SH2D7: variants seen among roughly 807,000 people sequenced by gnomAD.
SH2D7 encodes the protein SH2 domain containing 7.
Under a neutral mutation model 40.8 loss-of-function variants are expected in SH2D7, and 32 were observed. The observed-to-expected ratio is 0.78, with a 90% CI of 0.59 to 1.05. The LOEUF (loss-of-function observed/expected upper bound fraction) is 1.05, where lower values mean the gene tolerates loss of function less well. SH2D7 is among the 50% of genes least tolerant of loss of function. The pLI is 0.00. For synonymous variants in SH2D7, 195 were observed against 221.5 expected, an observed-to-expected ratio of 0.88 and a Z score of 1.06; for missense variants, 559 against 566.6, an observed-to-expected ratio of 0.99 and a Z score of 0.14.
At position 78,103,800 on chromosome 15, in the gene SH2D7, C is replaced by A. The variant is rs1433112488; in HGVS notation, c.*285C>A. ...TGAGATTGGCCAAAGGCAGGGGTCA[C>A]CACCCCCATTTCCCAGATAAGCATG... On this transcript the variant is annotated 3_prime_UTR_variant, in exon 6 of 6. Coordinates refer to ENST00000328828, the MANE Select transcript of SH2D7 (RefSeq NM_001101404.2). 9.3e-6 allele frequency: 4 copies of A among 431,816 alleles called. No homozygotes were observed. Among genetic ancestry groups the A allele is most frequent in the African/African-American group, 2.0e-5 (1 of 49,874 alleles). The allele number at this position is 431,816 out of a possible 1,614,324, so 26.7% of individuals were successfully genotyped here.
intron 2 of SH2D7, among the ~76,000 whole-genome samples, chr15:78,095,078 C>T (rs1264215129): frequency 1.3e-5 from 2 of 152,178 alleles, no homozygotes; most frequent in Non-Finnish European, 2.9e-5. Context: ...CCAGTTCAAA[C>T]CCTTACCTTG....
Position 78,101,056 on chromosome 15 carries a change from C to A in SH2D7, c.803C>A (p.Pro268Gln). The change falls in exon 5 of 6, where the codon CCA (proline) becomes CAA (glutamine). Residue 268 changes from proline to glutamine, a missense_variant. Pro to Gln is a moderately conservative substitution (Grantham distance 76). Coordinates refer to ENST00000328828, the MANE Select transcript of SH2D7 (RefSeq NM_001101404.2). ...TEGSGRHGPV[P>Q]AGSQAYSPGR... ...GGGTCCGGCAGGCATGGGCCAGTTC[C>A]AGCTGGCAGCCAGGCCTACTCCCCA... 1 of 1,605,418 alleles carries A rather than the reference C, an allele frequency of 6.2e-7. No homozygotes were observed. The highest frequency in any genetic ancestry group is 8.5e-7 in the Non-Finnish European group (1 of 1,176,356).
upstream of SH2D7, chr15:78,092,463 G>A: frequency 8.9e-7 from 1 of 1,120,286 alleles, no homozygotes; most frequent in East Asian, 2.6e-5. Context: ...GGTGACAATG[G>A]GGCTGCTGTG....
At chr15:78,092,557 C>T (rs1307950545), upstream of SH2D7, 1 of 1,538,446 alleles carries the variant, frequency 6.5e-7, no homozygotes, top group East Asian at 2.5e-5. Flanking sequence ...ACTGGCTGCG[C>T]TCTGCTTCCA....
intron 5 of SH2D7, among the ~76,000 whole-genome samples, chr15:78,102,986 C>T (rs1452492354): frequency 2.0e-5 from 3 of 152,120 alleles, no homozygotes; most frequent in Non-Finnish European, 4.4e-5. Context: ...GGATAGCAGC[C>T]TTTGAGATCC....
In SH2D7 at chr15:78,101,166, G is replaced by C. The variant is rs765810776; in HGVS notation, c.913G>C (p.Asp305His). The C allele has an allele frequency of 6.3e-7, 1 of 1,575,506 alleles. No homozygotes were observed. Residue 305 changes from aspartate (D) to histidine (H), a missense_variant, in exon 5 of 6, where the codon GAC becomes CAC. Coordinates refer to ENST00000328828, the MANE Select transcript of SH2D7 (RefSeq NM_001101404.2). Reference protein sequence around the residue: ...LGPVLSGVSPDQGPTESPTSW... With the variant: ...LGPVLSGVSPHQGPTESPTSW... The stretch of plus-strand genomic sequence containing the variant: ...GCCTGTCCTTTCTGGGGTGAGCCCA[G>C]ACCAGGGTCCCACAGAGTCTCCCAC...
At chr15:78,098,289 G>A in intron 3 of SH2D7, 95 bp from the exon 4 acceptor site, 1 of 1,479,888 alleles carries the variant, frequency 6.8e-7, no homozygotes, top group Admixed American at 1.9e-5. Flanking sequence ...GACCTGGTGG[G>A]AATGTTGCAG....
chr15:78,103,503 G>T lies in SH2D7; in HGVS notation c.1344G>T (p.Lys448Asn), dbSNP rs1181759259. 6.4e-7 allele frequency: 1 copy of T among 1,565,038 alleles called. No homozygotes were observed. Among genetic ancestry groups the T allele is most frequent in the Admixed American group, 1.9e-5 (1 of 53,052 alleles). ...GGAGGCTCTTCTTCACGTACAGGAA[G>T]CACAAATTCTGAGGGCCTGGCATCC... The part of the protein sequence containing the change: ...KLRRLFFTYR[K>N]HKF Residue 448 changes from lysine to asparagine, a missense_variant, in exon 6 of 6, where the codon AAG becomes AAT. Lys to Asn is a moderately conservative substitution (Grantham distance 94). Coordinates refer to ENST00000328828, the MANE Select transcript of SH2D7 (RefSeq NM_001101404.2).
chr15:78,094,027 C>T (rs2073955187), intron 1 of SH2D7, 85 bp from the exon 2 acceptor site: 1 of 1,337,642 alleles, frequency 7.5e-7, no homozygotes, highest in Non-Finnish European at 1.0e-6. Context: ...GCATGGCCAG[C>T]AGGGATTCCA....
At position 78,100,820 on chromosome 15, in the gene SH2D7, T is replaced by C. The variant is rs2141874308; in HGVS notation, c.646-79T>C. On this transcript the variant is annotated intron_variant, in intron 4 of 5. Transcript: ENST00000328828. ...TATAGCCAAGACAGGGGGCCTCGGC[T>C]TATCTGAGAGAGTTTTTACTGGAGG... The C allele has an allele frequency of 1.0e-5, 16 of 1,524,904 alleles. No homozygotes were observed. In the South Asian group the frequency reaches 1.9e-4, roughly 18 times the overall value. The allele number at this position is 1,524,904 out of a possible 1,614,324, so 94.5% of individuals were successfully genotyped here.
intron 2 of SH2D7, 91 bp from the exon 3 acceptor site, chr15:78,097,838 T>C: frequency 6.6e-7 from 1 of 1,511,384 alleles, no homozygotes; most frequent in Non-Finnish European, 8.9e-7. Flanking sequence ...CTGGGACCCC[T>C]CACCTGCACC....
intron 4 of SH2D7, 135 bp downstream of exon 4, chr15:78,098,731 G>A: frequency 9.4e-7 from 1 of 1,060,250 alleles, no homozygotes; most frequent in Non-Finnish European, 1.4e-6. Context: ...CAGAGGTGCG[G>A]ACCCAGCTTG....
chr15:78,102,033 CT>C (rs1208285670), intron 5 of SH2D7, among the ~76,000 whole-genome samples: 1 of 152,164 alleles, frequency 6.6e-6, no homozygotes, highest in Non-Finnish European at 1.5e-5. Context: ...AGGTGGATTG[CT>C]TGAGCTTGGG....
intron 5 of SH2D7, 132 bp from the exon 6 acceptor site, chr15:78,103,333 T>C (rs1441038289): frequency 1.0e-6 from 1 of 977,616 alleles, no homozygotes; most frequent in African/African-American, 1.7e-5. Context: ...GAATCAACTA[T>C]CAGAATTCCA....
upstream of SH2D7, chr15:78,092,474 T>C: frequency 8.2e-7 from 1 of 1,223,662 alleles, no homozygotes; most frequent in African/African-American, 1.5e-5. Context: ...GGCTGCTGTG[T>C]GCTATGGGCC....
In SH2D7 at chr15:78,100,996, G is replaced by A; in HGVS notation, c.743G>A (p.Arg248Lys). 3 of 1,613,960 alleles carry A rather than the reference G, an allele frequency of 1.9e-6. No homozygotes were observed. Among genetic ancestry groups the A allele is most frequent in the Non-Finnish European group, 2.5e-6 (3 of 1,179,872 alleles). The change falls in exon 5 of 6, where the codon AGG becomes AAG. Residue 248 changes from arginine (R) to lysine (K), a missense_variant. Coordinates refer to ENST00000328828, the MANE Select transcript of SH2D7 (RefSeq NM_001101404.2). ...GACATCATCTATGCAGACCTGAGGA[G>A]GATGAACCAGGCACGGCTAGGCTTG... is the stretch of plus-strand genomic sequence containing the variant. The part of the protein sequence containing the change: ...PSDIIYADLR[R>K]MNQARLGLGT...
intron 3 of SH2D7, 69 bp downstream of exon 3, chr15:78,098,163 C>A: frequency 6.7e-7 from 1 of 1,492,490 alleles, no homozygotes; most frequent in Non-Finnish European, 8.9e-7. Context: ...ATCCATCACT[C>A]AGACATACTC....
At chr15:78,099,148 C>G (rs2073995861) in intron 4 of SH2D7, among the ~76,000 whole-genome samples, 1 of 152,034 alleles carries the variant, frequency 6.6e-6, no homozygotes, top group African/African-American at 2.4e-5. Context: ...ACCCGAGGAG[C>G]TGGGATTACA....
intron 2 of SH2D7, among the ~76,000 whole-genome samples, chr15:78,097,091 C>G (rs1355573260): frequency 6.6e-6 from 1 of 152,166 alleles, no homozygotes; most frequent in Admixed American, 6.5e-5. Context: ...ATGAATCAAT[C>G]TCCAAGATAT....
Sources: allele counts gnomAD v4.1 joint callset (sites outside exome capture counted in the v4.1 genomes callset), GRCh38; gene constraint gnomAD v4.1.1; transcripts MANE v1.5; gene names NCBI Gene and HGNC (gene_info 2026-07-23, HGNC 2026-07-21).